The following RAB6A variants were observed in gnomAD, a reference collection of about 807,000 sequenced individuals.
RAB6A encodes the protein ras-related protein Rab-6A.
RAB6A carries 8 observed loss-of-function variants against 32.3 expected under a neutral mutation model. The ratio of observed to expected loss-of-function variants is 0.25; its 90% confidence interval spans 0.15 to 0.45. The LOEUF (loss-of-function observed/expected upper bound fraction) is 0.45. Ranked by LOEUF, RAB6A falls within the 20% of genes least tolerant of loss-of-function variation. RAB6A has a pLI of 1.00. For missense variants in RAB6A, 104 were observed against 249.4 expected, an observed-to-expected ratio of 0.42 and a Z score of 3.93; for synonymous variants, 73 against 82.1, an observed-to-expected ratio of 0.89 and a Z score of 0.60.
chr11:73,680,814 T>A (rs756138053), intron 6 of RAB6A, among the ~76,000 whole-genome samples: 1 of 152,190 alleles, frequency 6.6e-6, no homozygotes, highest in South Asian at 2.1e-4. Flanking sequence ...TCTTCCATCA[T>A]TGGAATGAGT....
chr11:73,683,195 T>C (rs1945387194), intron 6 of RAB6A, among the ~76,000 whole-genome samples: 1 of 151,482 alleles, frequency 6.6e-6, no homozygotes, highest in Non-Finnish European at 1.5e-5. Context: ...ATTTTGCAGA[T>C]ACATTTTTTA....
intron 1 of RAB6A, among the ~76,000 whole-genome samples, chr11:73,755,717 C>T (rs1946737967): frequency 6.7e-6 from 1 of 149,878 alleles, no homozygotes; most frequent in South Asian, 2.1e-4. Context: ...CCATGATAGC[C>T]CCTGTGAACA....
At chr11:73,720,784 TTTGA>T (rs1267961665) in intron 3 of RAB6A, 58 bp downstream of exon 3, 1 of 1,250,958 alleles carries the variant, frequency 8.0e-7, no homozygotes, top group Non-Finnish European at 1.2e-6. Flanking sequence ...CATTGATAAC[TTTGA>T]TTGCAGTTTT....
chr11:73,685,786 G>A (rs1289274540), intron 6 of RAB6A, among the ~76,000 whole-genome samples: 1 of 148,704 alleles, frequency 6.7e-6, no homozygotes, highest in East Asian at 2.0e-4. Flanking sequence ...TTGGGAGGGT[G>A]AGGCAGGAGA....
chr11:73,693,834 C>T (rs551458364), intron 6 of RAB6A, among the ~76,000 whole-genome samples: 6 of 150,828 alleles, frequency 4.0e-5, no homozygotes, highest in African/African-American at 1.2e-4. Context: ...GTTATGATGG[C>T]GCCATTGCAC....
intron 1 of RAB6A, among the ~76,000 whole-genome samples, chr11:73,758,067 T>G (rs888749491): frequency 6.6e-6 from 1 of 152,228 alleles, no homozygotes; most frequent in African/African-American, 2.4e-5. Flanking sequence ...AGCTGAATTG[T>G]GGAATTCTAA....
chr11:73,687,628 GGCGGATC>G (rs1331133810), intron 6 of RAB6A, among the ~76,000 whole-genome samples: 1 of 152,214 alleles, frequency 6.6e-6, no homozygotes, highest in Non-Finnish European at 1.5e-5. Flanking sequence ...GGCCGAGGTG[GGCGGATC>G]ACCTGAGGTT....
intron 6 of RAB6A, among the ~76,000 whole-genome samples, chr11:73,681,015 T>C (rs1355604353): frequency 1.3e-5 from 2 of 152,212 alleles, no homozygotes; most frequent in Non-Finnish European, 2.9e-5. Context: ...CAACAGCCAG[T>C]GAAACTGCCT....
chr11:73,714,229 T>TATATATATATAC (rs79775489), intron 5 of RAB6A, among the ~76,000 whole-genome samples: 59 of 117,412 alleles, frequency 5.0e-4, no homozygotes, highest in Middle Eastern at 4.0e-3. Context: ...TATATATATA[T>TATATATATATAC]ACACACATAT....
At chr11:73,736,806 AAAG>A (rs1946401380) in intron 1 of RAB6A, among the ~76,000 whole-genome samples, 3 of 75,098 alleles carry the variant, frequency 4.0e-5, no homozygotes, top group Non-Finnish European at 7.8e-5. Flanking sequence ...AAGAAAAAAA[AAAG>A]AAAAAAAAAA....
At chr11:73,742,790 C>G (rs534835635) in intron 1 of RAB6A, among the ~76,000 whole-genome samples, 1 of 151,574 alleles carries the variant, frequency 6.6e-6, no homozygotes, top group South Asian at 2.1e-4. Flanking sequence ...GCCTGGGCAA[C>G]AAGAATGAAA....
chr11:73,711,559 G>A (rs888262649), intron 5 of RAB6A, among the ~76,000 whole-genome samples: 2 of 152,102 alleles, frequency 1.3e-5, no homozygotes, highest in African/African-American at 4.8e-5. Context: ...ATAGTGCTAG[G>A]TATTACAAAT....
chr11:73,692,484 CAG>C (rs1945583972), intron 6 of RAB6A, among the ~76,000 whole-genome samples: 1 of 108,026 alleles, frequency 9.3e-6, no homozygotes, highest in Non-Finnish European at 1.7e-5. Context: ...GCCTGAGCGA[CAG>C]AGTGAGACTC....
intron 1 of RAB6A, among the ~76,000 whole-genome samples, chr11:73,731,982 G>C (rs185004331): frequency 6.6e-6 from 1 of 150,702 alleles, no homozygotes; most frequent in Non-Finnish European, 1.5e-5. Context: ...CCTGTGATTC[G>C]CCCGCCTCGG....
At chr11:73,714,209 A>AATATATATATATATATATATAT (rs1555059763) in intron 5 of RAB6A, among the ~76,000 whole-genome samples, 1 of 57,570 alleles carries the variant, frequency 1.7e-5, no homozygotes, top group African/African-American at 6.2e-5. Context: ...AAAAAAAAAA[A>AATATATATATATATATATATAT]ATATATATAT....
chr11:73,681,741 G>A (rs565146102), intron 6 of RAB6A, among the ~76,000 whole-genome samples: 14 of 152,238 alleles, frequency 9.2e-5, no homozygotes, highest in Middle Eastern at 3.4e-3. Flanking sequence ...CCCAGGAGCC[G>A]GAGGTTGCAG....
chr11:73,744,605 T>C (rs977044707), intron 1 of RAB6A, among the ~76,000 whole-genome samples: 17 of 151,510 alleles, frequency 1.1e-4, no homozygotes, highest in African/African-American at 3.9e-4. Flanking sequence ...CAACATACTT[T>C]TATAATTGTA....
chr11:73,695,583 T>C (rs1945644302), intron 6 of RAB6A, among the ~76,000 whole-genome samples: 2 of 152,152 alleles, frequency 1.3e-5, no homozygotes, highest in Admixed American at 6.6e-5. Context: ...GGTTTCACCA[T>C]GTTGGTCAGG....
At chr11:73,720,974 C>T in intron 2 of RAB6A, 75 bp from the exon 3 acceptor site, 1 of 1,024,858 alleles carries the variant, frequency 9.8e-7, no homozygotes, top group Non-Finnish European at 1.5e-6. Flanking sequence ...AAATGGGATT[C>T]ATGATTGTGG....
Sources: gnomAD v4.1 joint callset for allele counts (sites outside exome capture counted in the v4.1 genomes callset) on GRCh38, gnomAD v4.1.1 for gene constraint, MANE v1.5 for transcripts, NCBI Gene and HGNC (gene_info 2026-07-23, HGNC 2026-07-21) for gene names.